IPO5: variants seen among roughly 807,000 people sequenced by gnomAD.
IPO5 encodes the protein importin-5.
A neutral mutation model predicts 143.3 loss-of-function variants in IPO5; 18 were observed. That is an observed-to-expected ratio of 0.13 (90% CI 0.09 to 0.19). The LOEUF is 0.19. Among genes scored for constraint, IPO5 ranks in the 10% least tolerant of loss-of-function variants. The pLI, the probability that IPO5 is intolerant of heterozygous loss-of-function variation, is 1.00. For synonymous variants in IPO5, 477 were observed against 465.7 expected (o/e 1.02, Z -0.31); for missense variants, 1,013 against 1,336.9 (o/e 0.76, Z 3.78).
chr13:97,969,117 A>G (rs1404236492), intron 2 of IPO5, among the ~76,000 whole-genome samples: 1 of 147,076 alleles, frequency 6.8e-6, no homozygotes, highest in Non-Finnish European at 1.5e-5. Context: ...GTTCTAAGAA[A>G]AATCATTTAA....
rs1419380374 is a variant in IPO5 at position 98,002,887 on chromosome 13, C to T, written c.1347C>T (p.Thr449=). ...AGGTGATTGCAGCTCTGCTGCAGAC[C>T]ATGGAAGACCAAGGCAATCAACGTG... is the stretch of plus-strand genomic sequence containing the variant. ...HEKVIAALLQ[T]MEDQGNQRVQ... is the part of the protein sequence containing the mutation. The change falls in exon 16 of 29, where the codon ACC becomes ACT. Residue 449 remains threonine, a synonymous_variant. Coordinates refer to ENST00000651721, the MANE Select transcript of IPO5 (RefSeq NM_002271.6). The T allele has an allele frequency of 1.7e-5, 27 of 1,612,804 alleles. No individual in the cohort carries two copies. In the East Asian group the frequency reaches 5.3e-4, roughly 32 times the overall value.
chr13:98,002,810 T>G (rs1252759611), intron 15 of IPO5, 37 bp downstream of exon 15: 2 of 1,595,906 alleles, frequency 1.3e-6, no homozygotes, highest in African/African-American at 2.7e-5. Context: ...AATCAGACTT[T>G]AGGAAGAAGG....
At position 98,004,341 on chromosome 13, in the gene IPO5, C is replaced by T. The variant is rs575188723; in HGVS notation, c.1497+1304C>T. Among the ~76,000 whole-genome samples the T allele has an allele frequency of 3.3e-5, 5 of 152,152 alleles. No individual in the cohort carries two copies. In the South Asian group the frequency reaches 1.0e-3, roughly 32 times the overall value. ...AGACAGAGGACTTATAAACAAAGGC[C>T]CAAGTGCTCAGTATCAGATGACAGC... On this transcript the variant is annotated intron_variant, in intron 16 of 28. Coordinates refer to ENST00000651721, the MANE Select transcript of IPO5 (RefSeq NM_002271.6).
intron 2 of IPO5, 117 bp downstream of exon 2, chr13:97,954,315 T>TTGA (rs1395475693): frequency 6.5e-6 from 1 of 152,934 alleles, no homozygotes; most frequent in Non-Finnish European, 1.5e-5. Flanking sequence ...TATCTGTTTC[T>TTGA]TGATCATTTT....
At chr13:97,992,500 T>C (rs1887887802) in intron 9 of IPO5, among the ~76,000 whole-genome samples, 1 of 152,266 alleles carries the variant, frequency 6.6e-6, no homozygotes, top group Middle Eastern at 3.4e-3. Flanking sequence ...TGGAGGGTAC[T>C]GTGAGCTATG....
At position 98,006,356 on chromosome 13, in the gene IPO5, ATTTTTTTTTTTTTTTTTT is replaced by A. The variant is rs568589408; in HGVS notation, c.1716+27_1716+44del. On this transcript the variant is annotated intron_variant, in intron 17 of 28. Transcript: ENST00000651721. ...GCTGTTGGGAAGGAAAAAGTAAGTA[ATTTTTTTTTTTTTTTTTT>A]TTTTTTTTTTTTTTTTTTGAGACAG... is the stretch of plus-strand genomic sequence containing the variant. 2.4e-3 allele frequency: 1,313 copies of A among 556,366 alleles called. 12 individuals carry two copies. The highest frequency in any genetic ancestry group is 0.015 in the African/African-American group (256 of 17,328). The allele number at this position is 556,366 out of a possible 1,614,324, so 34.5% of individuals were successfully genotyped here.
chr13:97,997,730 G>A (rs1288809602), intron 12 of IPO5, 112 bp downstream of exon 12: 5 of 479,468 alleles, frequency 1.0e-5, no homozygotes, highest in African/African-American at 9.9e-5. Flanking sequence ...TGGAATATGG[G>A]GCACTTTGCC....
At chr13:97,983,212 A>T (rs1230214020) in intron 5 of IPO5, among the ~76,000 whole-genome samples, 1 of 152,186 alleles carries the variant, frequency 6.6e-6, no homozygotes, top group African/African-American at 2.4e-5. Flanking sequence ...TCTTTCCTTG[A>T]AACAATTTAT....
At chr13:97,999,610 T>C (rs568147325) in intron 12 of IPO5, among the ~76,000 whole-genome samples, 54 of 152,348 alleles carry the variant, frequency 3.5e-4, no homozygotes, top group South Asian at 1.2e-3. Flanking sequence ...GTATTGTCTT[T>C]ACATAGTAAA....
intron 13 of IPO5, 77 bp downstream of exon 13, chr13:98,000,722 CTG>C (rs2139760228): frequency 1.1e-6 from 1 of 918,940 alleles, no homozygotes; most frequent in South Asian, 1.4e-5. Flanking sequence ...TATGTTTAGA[CTG>C]TTAAAAATTA....
intron 7 of IPO5, among the ~76,000 whole-genome samples, 169 bp from the exon 8 acceptor site, chr13:97,989,957 C>T (rs559210918): frequency 1.3e-5 from 2 of 152,282 alleles, no homozygotes; most frequent in African/African-American, 4.8e-5. Context: ...TGTTTTCATT[C>T]ACTTAACCCA....
chr13:97,998,622 A>G (rs1888498186), intron 12 of IPO5, among the ~76,000 whole-genome samples: 1 of 152,232 alleles, frequency 6.6e-6, no homozygotes, highest in Non-Finnish European at 1.5e-5. Flanking sequence ...TTCACTGTGC[A>G]GTAGTAATGA....
chr13:97,974,609 C>T (rs1442706019), intron 3 of IPO5, among the ~76,000 whole-genome samples: 3 of 150,588 alleles, frequency 2.0e-5, no homozygotes, highest in African/African-American at 7.3e-5. Flanking sequence ...CTTGCCCGGC[C>T]TGTAATTCTT....
intron 28 of IPO5, chr13:98,021,421 G>A (rs1436215873): frequency 8.5e-6 from 3 of 352,222 alleles, no homozygotes; most frequent in Middle Eastern, 7.6e-4. Flanking sequence ...AAAAAAACAA[G>A]ATTTAATAAT....
intron 2 of IPO5, among the ~76,000 whole-genome samples, chr13:97,968,328 A>G (rs928715663): frequency 6.6e-6 from 1 of 152,222 alleles, no homozygotes; most frequent in African/African-American, 2.4e-5. Flanking sequence ...AATGTTCCAT[A>G]TTCACTTGAG....
chr13:98,004,703 C>T (rs1160257128), intron 16 of IPO5, among the ~76,000 whole-genome samples: 1 of 152,020 alleles, frequency 6.6e-6, no homozygotes, highest in African/African-American at 2.4e-5. Context: ...ACAGTCCACA[C>T]TAAACATGGA....
intron 16 of IPO5, among the ~76,000 whole-genome samples, chr13:98,005,786 G>A (rs1302757596): frequency 1.3e-5 from 2 of 152,090 alleles, no homozygotes; most frequent in East Asian, 1.9e-4. Flanking sequence ...GAGGAAATCA[G>A]TGAAGAAAAA....
chr13:97,990,601 A>G (rs1414563921), intron 9 of IPO5, 64 bp downstream of exon 9: 5 of 870,734 alleles, frequency 5.7e-6, no homozygotes, highest in African/African-American at 3.5e-5. Context: ...GCATTCAATC[A>G]TTTATGCAAT....
intron 6 of IPO5, among the ~76,000 whole-genome samples, chr13:97,986,642 G>A (rs546549423): frequency 3.0e-4 from 46 of 152,162 alleles, no homozygotes; most frequent in Non-Finnish European, 3.4e-4. Context: ...GAGCCACTGC[G>A]CCTGGCCTAC....
Sources: gnomAD v4.1 joint callset for allele counts (sites outside exome capture counted in the v4.1 genomes callset) on GRCh38, gnomAD v4.1.1 for gene constraint, MANE v1.5 for transcripts, NCBI Gene and HGNC (gene_info 2026-07-23, HGNC 2026-07-21) for gene names.